The following ANO5 variants were observed in gnomAD, a reference collection of about 807,000 sequenced individuals.
ANO5 encodes anoctamin-5.
In ANO5, 109 loss-of-function variants were observed where a neutral mutation model predicts 121.0. The ratio of observed to expected loss-of-function variants is 0.90; its 90% CI spans 0.77 to 1.06. ANO5 has a LOEUF of 1.06. ANO5 is among the 50% of genes least tolerant of loss of function. The pLI, the probability that ANO5 is intolerant of heterozygous loss-of-function variation, is 0.00. For synonymous variants in ANO5, 406 were observed against 359.9 expected, an observed-to-expected ratio of 1.13 and a Z score of -1.45; for missense variants, 1,064 against 1,078.5, an observed-to-expected ratio of 0.99 and a Z score of 0.19.
intron 5 of ANO5, among the ~76,000 whole-genome samples, chr11:22,225,137 A>G (rs1852781139): frequency 6.6e-6 from 1 of 152,096 alleles, no homozygotes; most frequent in Non-Finnish European, 1.5e-5. Flanking sequence ...TTAAAAAGAA[A>G]AAATGCTTTT....
chr11:22,211,018 C>G (rs919107575), intron 2 of ANO5, among the ~76,000 whole-genome samples: 5 of 152,080 alleles, frequency 3.3e-5, no homozygotes, highest in African/African-American at 1.2e-4. Context: ...AGCTCACTCT[C>G]TTTCCTCACT....
In ANO5 at chr11:22,274,794, C is replaced by G. The variant is rs374635714; in HGVS notation, c.2414+47C>G. 3 of 1,589,410 alleles carry G rather than the reference C, an allele frequency of 1.9e-6. No individual in the cohort carries two copies. The South Asian group carries it at 3.3e-5, about 18-fold the overall frequency. On this transcript the variant is annotated intron_variant, in intron 20 of 21. Transcript: ENST00000324559. ...TTAGGTTTTAGTTTTATCCCTTAAG[C>G]GTATTTCTTAAGTTATCTATTACCT...
intron 15 of ANO5, among the ~76,000 whole-genome samples, chr11:22,260,055 G>A (rs574287469): frequency 1.3e-5 from 2 of 151,772 alleles, no homozygotes; most frequent in South Asian, 2.1e-4. Flanking sequence ...TCACTTTACT[G>A]AAGACACAGA....
chr11:22,270,333 A>T lies in ANO5; in HGVS notation c.1920A>T (p.Arg640Ser), dbSNP rs2133778259. 6.2e-7 allele frequency: 1 copy of T among 1,614,116 alleles called. No individual in the cohort carries two copies. The highest frequency in any genetic ancestry group is 8.5e-7 in the Non-Finnish European group (1 of 1,180,012). Residue 640 changes from arginine to serine, a missense_variant, in exon 18 of 22, where the codon AGA becomes AGT. Coordinates refer to ENST00000324559, the MANE Select transcript of ANO5 (RefSeq NM_213599.3). ...AIYPLALNWW[R>S]RRKARTNSEK... ...ACAGCTTGGCTTTGAATTGGTGGAG[A>T]CGCCGAAAAGCTCGGACAAACTCTG...
intron 7 of ANO5, among the ~76,000 whole-genome samples, chr11:22,228,329 A>G (rs375896768): frequency 1.2e-4 from 18 of 151,682 alleles, no homozygotes; most frequent in East Asian, 5.8e-4. Flanking sequence ...ATAAGGTTGT[A>G]TGTTACCTTT....
At chr11:22,269,370 G>A (rs182182916) in intron 17 of ANO5, among the ~76,000 whole-genome samples, 135 of 138,944 alleles carry the variant, frequency 9.7e-4, no homozygotes, top group African/African-American at 3.6e-3. Context: ...AGAAGGGAAA[G>A]GAAGAAGGAA....
chr11:22,257,714 T>A lies in ANO5; in HGVS notation c.1367T>A (p.Ile456Asn), dbSNP rs748907726. ...MEPYMPLYTR[I>N]PWYFLSGATV... ...CCTTACATGCCTCTATACACGCGTA[T>A]TCCATGGTACTTTCTTTCAGGAGCC... The change falls in exon 14 of 22, where the codon ATT (isoleucine) becomes AAT (asparagine). Residue 456 changes from isoleucine (I) to asparagine (N), a missense_variant. Coordinates refer to ENST00000324559, the MANE Select transcript of ANO5 (RefSeq NM_213599.3). The A allele has an allele frequency of 2.5e-6, 4 of 1,612,900 alleles. No homozygotes were observed. The highest frequency in any genetic ancestry group is 3.4e-6 in the Non-Finnish European group (4 of 1,179,004).
intron 1 of ANO5, among the ~76,000 whole-genome samples, chr11:22,202,656 C>T (rs1851999648): frequency 6.6e-6 from 1 of 152,112 alleles, no homozygotes; most frequent in Admixed American, 6.6e-5. Flanking sequence ...GGGAAAGCAG[C>T]TCTCTGGAAT....
At chr11:22,234,570 G>A (rs911415376) in intron 7 of ANO5, among the ~76,000 whole-genome samples, 1 of 152,078 alleles carries the variant, frequency 6.6e-6, no homozygotes, top group African/African-American at 2.4e-5. Flanking sequence ...GTTAGTATGA[G>A]TTTAATTTTG....
intron 1 of ANO5, among the ~76,000 whole-genome samples, chr11:22,194,755 A>C (rs1851755647): frequency 6.6e-6 from 1 of 152,214 alleles, no homozygotes; most frequent in Non-Finnish European, 1.5e-5. Context: ...TCCATACTGC[A>C]GCTTTTATCA....
intron 3 of ANO5, among the ~76,000 whole-genome samples, chr11:22,215,555 C>A (rs1297733367): frequency 6.6e-6 from 1 of 151,942 alleles, no homozygotes; most frequent in African/African-American, 2.4e-5. Context: ...AAAGCTATCT[C>A]AAGATTAATA....
intron 1 of ANO5, among the ~76,000 whole-genome samples, chr11:22,200,059 A>G (rs550847934): frequency 6.6e-5 from 10 of 152,264 alleles, no homozygotes; most frequent in East Asian, 3.9e-4. Flanking sequence ...CTACTGAGTT[A>G]TACAGATCTT....
intron 16 of ANO5, 150 bp downstream of exon 16, chr11:22,262,448 A>C (rs1854220978): frequency 2.4e-6 from 2 of 833,626 alleles, no homozygotes; most frequent in African/African-American, 1.7e-5. Flanking sequence ...TCACAGATGA[A>C]TCCTGTCATT....
At chr11:22,238,796 G>A (rs10833727) in intron 8 of ANO5, among the ~76,000 whole-genome samples, 2 of 151,708 alleles carry the variant, frequency 1.3e-5, no homozygotes, top group Non-Finnish European at 2.9e-5. Context: ...CAATGTGCAG[G>A]TTAGTTACAT....
At chr11:22,226,885 C>T (rs1041632880) in intron 6 of ANO5, among the ~76,000 whole-genome samples, 5 of 151,978 alleles carry the variant, frequency 3.3e-5, no homozygotes, top group Admixed American at 1.3e-4. Context: ...AGAGTGAGTA[C>T]GTTTTACAGT....
chr11:22,217,680 C>A (rs1368241604), intron 3 of ANO5, among the ~76,000 whole-genome samples: 2 of 151,762 alleles, frequency 1.3e-5, no homozygotes, highest in Non-Finnish European at 2.9e-5. Context: ...AACACAAAAA[C>A]AGAAAACCAA....
chr11:22,282,155 T>G lies in ANO5; in HGVS notation c.*2390T>G, dbSNP rs903118856. The G allele has an allele frequency of 1.3e-5, 2 of 152,112 alleles. No homozygotes were observed. The highest frequency in any genetic ancestry group is 2.4e-5 in the African/African-American group (1 of 41,438). 9.4% of individuals were successfully genotyped at this position (152,112 alleles called of 1,614,324 possible). A position where few individuals can be genotyped will look rare whatever the true frequency, so the allele number is the denominator to read the frequency against. ...TGATAATTACCAGCATGGCAGGTGA[T>G]TTTATCTGCTGACCAAGCGCATAGT... is the stretch of plus-strand genomic sequence containing the variant. On this transcript the variant is annotated 3_prime_UTR_variant, in exon 22 of 22. Coordinates refer to ENST00000324559, the MANE Select transcript of ANO5 (RefSeq NM_213599.3).
intron 7 of ANO5, among the ~76,000 whole-genome samples, chr11:22,231,609 TA>T (rs1450297163): frequency 6.6e-6 from 1 of 151,994 alleles, no homozygotes; most frequent in Non-Finnish European, 1.5e-5. Flanking sequence ...ATCTGATAGC[TA>T]TTCAGGTTGT....
At chr11:22,232,772 C>A (rs868203660) in intron 7 of ANO5, among the ~76,000 whole-genome samples, 4 of 151,840 alleles carry the variant, frequency 2.6e-5, no homozygotes, top group Non-Finnish European at 5.9e-5. Flanking sequence ...TTTTACCATG[C>A]CACCTTTTCT....
Sources: gnomAD v4.1 joint callset for allele counts (sites outside exome capture counted in the v4.1 genomes callset) on GRCh38, gnomAD v4.1.1 for gene constraint, MANE v1.5 for transcripts, NCBI Gene and HGNC (gene_info 2026-07-23, HGNC 2026-07-21) for gene names.